Variants in ZNF705A observed in about 807,000 individuals in gnomAD.
ZNF705A encodes zinc finger protein 705A.
Under a neutral mutation model 16.6 loss-of-function variants are expected in ZNF705A, and 8 were observed. The ratio of observed to expected loss-of-function variants is 0.48; its 90% CI spans 0.28 to 0.87. The LOEUF (loss-of-function observed/expected upper bound fraction) is 0.87, where lower values mean the gene tolerates loss of function less well. Ranked by LOEUF, ZNF705A falls within the 40% of genes least tolerant of loss-of-function variation. ZNF705A has a pLI of 0.10. For synonymous variants in ZNF705A, 73 were observed against 117.3 expected (o/e 0.62, Z 2.44); for missense variants, 233 against 359.9 (o/e 0.65, Z 2.85).
chr12:8,157,950 G>A (rs1348267189), intron 1 of ZNF705A, among the ~76,000 whole-genome samples: 1 of 152,114 alleles, frequency 6.6e-6, no homozygotes, highest in Non-Finnish European at 1.5e-5. Context: ...CAGTGAGTGG[G>A]TTGGTACACA....
chr12:8,173,393 T>A (rs1948460624), intron 1 of ZNF705A, among the ~76,000 whole-genome samples: 1 of 152,076 alleles, frequency 6.6e-6, no homozygotes, highest in Non-Finnish European at 1.5e-5. Flanking sequence ...CAATTTAGGG[T>A]TCTGTGGAAA....
chr12:8,176,449 A>G (rs1473339689), intron 4 of ZNF705A, among the ~76,000 whole-genome samples: 3 of 152,236 alleles, frequency 2.0e-5, no homozygotes, highest in Non-Finnish European at 4.4e-5. Flanking sequence ...TTCATGTAAA[A>G]GGTAGGTAGA....
chr12:8,168,508 ATC>A (rs1948418820), upstream of ZNF705A, among the ~76,000 whole-genome samples: 1 of 152,142 alleles, frequency 6.6e-6, no homozygotes, highest in African/African-American at 2.4e-5. Context: ...TTTTGACCAT[ATC>A]TCATTATTTG....
chr12:8,168,296 G>A (rs766544061), upstream of ZNF705A, among the ~76,000 whole-genome samples: 4 of 152,120 alleles, frequency 2.6e-5, no homozygotes, highest in Non-Finnish European at 5.9e-5. Context: ...CTGACAGGCC[G>A]TCACCTGACA....
At chr12:8,170,843 G>C (rs1266961202), upstream of ZNF705A, among the ~76,000 whole-genome samples, 2 of 152,142 alleles carry the variant, frequency 1.3e-5, no homozygotes, top group African/African-American at 2.4e-5. Context: ...TAAGAAAAAA[G>C]TTGATATTGA....
At chr12:8,162,501 T>C (rs1325815174) in intron 1 of ZNF705A, among the ~76,000 whole-genome samples, 2 of 152,052 alleles carry the variant, frequency 1.3e-5, no homozygotes, top group Non-Finnish European at 2.9e-5. Flanking sequence ...ATAGCAGTTG[T>C]TCATGTTCCA....
At chr12:8,158,269 G>T (rs1177797086) in intron 1 of ZNF705A, among the ~76,000 whole-genome samples, 2 of 151,992 alleles carry the variant, frequency 1.3e-5, no homozygotes, top group Non-Finnish European at 2.9e-5. Context: ...TACCCGCAAA[G>T]TTCTCTAAAC....
chr12:8,169,851 T>G (rs1948430266), upstream of ZNF705A, among the ~76,000 whole-genome samples: 1 of 152,068 alleles, frequency 6.6e-6, no homozygotes, highest in South Asian at 2.1e-4. Context: ...GTTAAAACAT[T>G]AAGGTAATAT....
At chr12:8,164,078 T>A (rs1948379344) in intron 1 of ZNF705A, among the ~76,000 whole-genome samples, 1 of 152,112 alleles carries the variant, frequency 6.6e-6, no homozygotes, top group Non-Finnish European at 1.5e-5. Context: ...TTATTTTTAT[T>A]TTGGAAAGAA....
In ZNF705A at chr12:8,178,682, G is replaced by A. The variant is rs777470684; in HGVS notation, c.*1099G>A. 13 of 152,330 alleles carry A rather than the reference G, an allele frequency of 8.5e-5. No individual in the cohort carries two copies. The South Asian group carries it at 2.7e-3, about 32-fold the overall frequency. 9.4% of individuals were successfully genotyped at this position (152,330 alleles called of 1,614,324 possible). ...GTGACCAGGGAATAAATTGAATGCA[G>A]AATTATATAAGAAATCTCATTAAAC... On this transcript the variant is annotated 3_prime_UTR_variant, in exon 5 of 5. Coordinates refer to ENST00000359286, the Ensembl canonical transcript of ZNF705A.
upstream of ZNF705A, chr12:8,172,471 T>G: frequency 4.0e-6 from 4 of 990,322 alleles, no homozygotes; most frequent in Non-Finnish European, 6.2e-6. Context: ...GGTGTCACAC[T>G]TCAGTGAAAG....
chr12:8,165,659 A>G (rs1263560755), intron 1 of ZNF705A, among the ~76,000 whole-genome samples: 1 of 152,100 alleles, frequency 6.6e-6, no homozygotes, highest in East Asian at 1.9e-4. Flanking sequence ...ATAGTTTTTC[A>G]GGCCTTTGTC....
chr12:8,171,349 A>G (rs560841581), upstream of ZNF705A, among the ~76,000 whole-genome samples: 8 of 152,232 alleles, frequency 5.3e-5, no homozygotes, highest in Non-Finnish European at 1.0e-4. Flanking sequence ...TGTCTCAAAC[A>G]CATACATTCA....
chr12:8,176,038 C>T, intron 4 of ZNF705A, 96 bp downstream of exon 5: 3 of 1,573,230 alleles, frequency 1.9e-6, no homozygotes, highest in Middle Eastern at 2.3e-4. Context: ...TGTAATTAGG[C>T]TGGCATTAAG....
At chr12:8,163,015 A>G (rs1348200569) in intron 1 of ZNF705A, among the ~76,000 whole-genome samples, 1 of 152,198 alleles carries the variant, frequency 6.6e-6, no homozygotes, top group Non-Finnish European at 1.5e-5. Context: ...GAGGGAGTTG[A>G]ATCATGTGGC....
intron 1 of ZNF705A, among the ~76,000 whole-genome samples, chr12:8,166,740 C>T (rs1948402274): frequency 6.6e-6 from 1 of 152,370 alleles, no homozygotes; most frequent in African/African-American, 2.4e-5. Context: ...GTGGCCCAAA[C>T]TATGTCTGGG....
At chr12:8,170,196 C>CAAAAAAAAAAAAAAAAAA (rs1188328005), upstream of ZNF705A, among the ~76,000 whole-genome samples, 55 of 126,520 alleles carry the variant, frequency 4.3e-4, 4 homozygotes, top group African/African-American at 2.0e-3. Flanking sequence ...CCCCCCCCCC[C>CAAAAAAAAAAAAAAAAAA]AAAAAAAAAA....
chr12:8,177,816 A>T, exon 5 of ZNF705A: 1 of 693,682 alleles, frequency 1.4e-6, no homozygotes, highest in Middle Eastern at 4.0e-4. Flanking sequence ...CAAAGGACTC[A>T]TATTTTGAAG....
chr12:8,166,421 G>A lies in ZNF705A; in HGVS notation c.-71-6134G>A, dbSNP rs189242289. 5.9e-5 allele frequency among the ~76,000 whole-genome samples: 9 copies of A among 152,282 alleles called. No homozygotes were observed. The East Asian group carries it at 1.7e-3, about 29-fold the overall frequency. ...ACCCAGTGGCGATAACTGAATCATGGGGGCAGTTTTTCCCATGCTGTTCTC... is the reference window on the plus strand; with the variant it reads ...ACCCAGTGGCGATAACTGAATCATGAGGGCAGTTTTTCCCATGCTGTTCTC... On this transcript the variant is annotated intron_variant, in intron 1 of 5. Transcript: ENST00000396570.
Sources: gnomAD v4.1 joint callset for allele counts (sites outside exome capture counted in the v4.1 genomes callset) on GRCh38, gnomAD v4.1.1 for gene constraint, MANE v1.5 for transcripts, NCBI Gene and HGNC (gene_info 2026-07-23, HGNC 2026-07-21) for gene names.